PTPRG: variants seen among roughly 807,000 people sequenced by gnomAD.
The protein encoded by PTPRG is protein tyrosine phosphatase receptor type G, also known as receptor-type tyrosine-protein phosphatase gamma.
PTPRG carries 102 observed loss-of-function variants against 165.3 expected under a neutral mutation model. The ratio of observed to expected loss-of-function variants is 0.62; its 90% CI spans 0.53 to 0.73. PTPRG has a LOEUF of 0.73. Ranked by LOEUF, PTPRG falls within the 30% of genes least tolerant of loss-of-function variation. PTPRG has a pLI of 0.00. For synonymous variants in PTPRG, 675 were observed against 669.5 expected (o/e 1.01, Z -0.13); for missense variants, 1,866 against 1,861.4 (o/e 1.00, Z -0.05).
At chr3:61,895,400 T>C (rs1372248527) in intron 2 of PTPRG, among the ~76,000 whole-genome samples, 1 of 152,214 alleles carries the variant, frequency 6.6e-6, no homozygotes, top group African/African-American at 2.4e-5. Context: ...CTTTTCTCCT[T>C]GTCTTTTTAT....
Position 61,691,549 on chromosome 3 carries a change from T to A in PTPRG, c.86-57329T>A, listed in dbSNP as rs192168370. On this transcript the variant is annotated intron_variant, in intron 1 of 29. Transcript: ENST00000474889. ...CTGTGTAATTGCTTAGAAAAATGAC[T>A]AAAATGGTATGAATCAAACTGTGTT... 4.9e-4 allele frequency among the ~76,000 whole-genome samples: 74 copies of A among 152,320 alleles called. 1 individual carries two copies. The highest frequency in any genetic ancestry group is 4.8e-3 in the Admixed American group (73 of 15,304).
At chr3:61,905,280 G>A (rs1400920128) in intron 2 of PTPRG, among the ~76,000 whole-genome samples, 4 of 152,114 alleles carry the variant, frequency 2.6e-5, no homozygotes, top group Non-Finnish European at 5.9e-5. Flanking sequence ...GTGATTCCAA[G>A]TATGTGGTGA....
intron 6 of PTPRG, among the ~76,000 whole-genome samples, chr3:62,152,342 A>C (rs931537497): frequency 7.2e-5 from 11 of 152,098 alleles, no homozygotes; most frequent in African/African-American, 2.7e-4. Flanking sequence ...CAACAGAGTG[A>C]GAATCTGTCT....
chr3:62,108,656 C>T (rs775642034), intron 5 of PTPRG, among the ~76,000 whole-genome samples: 23 of 152,222 alleles, frequency 1.5e-4, no homozygotes, highest in Non-Finnish European at 3.2e-4. Flanking sequence ...TTTACACTCC[C>T]TCCAACAGTG....
chr3:61,598,515 A>G (rs145940544), intron 1 of PTPRG, among the ~76,000 whole-genome samples: 20 of 152,204 alleles, frequency 1.3e-4, no homozygotes, highest in Non-Finnish European at 2.5e-4. Flanking sequence ...GAGCTATAAG[A>G]CACGCTCATT....
intron 4 of PTPRG, among the ~76,000 whole-genome samples, chr3:62,042,525 G>A (rs1450565607): frequency 6.6e-6 from 1 of 152,096 alleles, no homozygotes; most frequent in Admixed American, 6.6e-5. Flanking sequence ...TAAGCATGGT[G>A]TTCTTTTGCC....
At chr3:61,955,382 A>G (rs905770848) in intron 2 of PTPRG, among the ~76,000 whole-genome samples, 1 of 152,196 alleles carries the variant, frequency 6.6e-6, no homozygotes, top group Admixed American at 6.5e-5. Context: ...GCTAATGACA[A>G]TGGTAATGTT....
At chr3:61,995,814 A>T (rs1487278484) in intron 3 of PTPRG, among the ~76,000 whole-genome samples, 1 of 149,102 alleles carries the variant, frequency 6.7e-6, no homozygotes, top group African/African-American at 2.5e-5. Context: ...TCTGTCTCCA[A>T]GCTGGAGTGC....
chr3:62,181,322 C>T (rs144868099), intron 8 of PTPRG, among the ~76,000 whole-genome samples: 3 of 152,166 alleles, frequency 2.0e-5, no homozygotes, highest in Non-Finnish European at 4.4e-5. Context: ...GCTTTGAGAC[C>T]TAATCTTGGG....
At chr3:61,838,183 G>T (rs1383133124) in intron 2 of PTPRG, among the ~76,000 whole-genome samples, 1 of 152,200 alleles carries the variant, frequency 6.6e-6, no homozygotes, top group African/African-American at 2.4e-5. Context: ...GACAAGTGGT[G>T]AAGGTGCTCA....
intron 2 of PTPRG, among the ~76,000 whole-genome samples, chr3:61,913,172 C>T (rs1171176270): frequency 2.6e-5 from 4 of 152,184 alleles, no homozygotes; most frequent in African/African-American, 4.8e-5. Context: ...AAATAGTGAG[C>T]GTAGTCCCCA....
chr3:61,917,301 A>C (rs1319058934), intron 2 of PTPRG, among the ~76,000 whole-genome samples: 1 of 152,186 alleles, frequency 6.6e-6, no homozygotes, highest in Non-Finnish European at 1.5e-5. Context: ...TAGCACTTAA[A>C]TTGGCTCATT....
chr3:61,571,016 G>C (rs1700041833), intron 1 of PTPRG, among the ~76,000 whole-genome samples: 1 of 152,078 alleles, frequency 6.6e-6, no homozygotes, highest in African/African-American at 2.4e-5. Context: ...GACCTGGGTT[G>C]AAATTCTTAG....
intron 3 of PTPRG, among the ~76,000 whole-genome samples, chr3:61,993,204 T>C (rs550205299): frequency 6.6e-6 from 1 of 151,930 alleles, no homozygotes; most frequent in East Asian, 1.9e-4. Flanking sequence ...TTTTTTGTTG[T>C]TGTTTGTTTG....
chr3:61,998,999 T>C (rs1314422702), intron 3 of PTPRG, among the ~76,000 whole-genome samples: 2 of 152,156 alleles, frequency 1.3e-5, no homozygotes, highest in African/African-American at 4.8e-5. Flanking sequence ...TCATAGATGA[T>C]ACCTTCTCAC....
At chr3:62,095,881 A>G (rs79030243) in intron 5 of PTPRG, among the ~76,000 whole-genome samples, 2,627 of 152,222 alleles carry the variant, frequency 0.017, 72 homozygotes, top group African/African-American at 0.059. Flanking sequence ...GGCCCCAAGC[A>G]GGAGAACTGA....
intron 1 of PTPRG, among the ~76,000 whole-genome samples, chr3:61,683,809 C>T (rs1183746166): frequency 6.6e-6 from 1 of 152,212 alleles, no homozygotes; most frequent in Admixed American, 6.5e-5. Context: ...AATAAAACCA[C>T]ACTTTAAAAA....
intron 1 of PTPRG, among the ~76,000 whole-genome samples, chr3:61,746,585 C>G: frequency 6.6e-6 from 1 of 152,002 alleles, no homozygotes; most frequent in East Asian, 1.9e-4. Flanking sequence ...GGTCCTCAAC[C>G]ACCCCCCGAG....
At chr3:62,033,530 TC>T (rs147045221) in intron 4 of PTPRG, among the ~76,000 whole-genome samples, 48,317 of 133,600 alleles carry the variant, frequency 0.36, 7,401 homozygotes, top group Middle Eastern at 0.42. Context: ...ATGCCTATCT[TC>T]CCCCCCCCAC....
Sources: gnomAD v4.1 joint callset for allele counts (sites outside exome capture counted in the v4.1 genomes callset) on GRCh38, gnomAD v4.1.1 for gene constraint, MANE v1.5 for transcripts, NCBI Gene and HGNC (gene_info 2026-07-23, HGNC 2026-07-21) for gene names.